TPTE2: variants seen among roughly 807,000 people sequenced by gnomAD.
The protein encoded by TPTE2 is transmembrane phosphoinositide 3-phosphatase and tensin homolog 2, also known as phosphatidylinositol 3,4,5-trisphosphate 3-phosphatase TPTE2.
In TPTE2, 53 loss-of-function variants were observed where a neutral mutation model predicts 78.6. That is an observed-to-expected ratio of 0.67 (90% CI 0.54 to 0.85). The LOEUF is 0.85. Among genes scored for constraint, TPTE2 ranks in the 40% least tolerant of loss-of-function variants. TPTE2 has a pLI of 0.00. For synonymous variants in TPTE2, 175 were observed against 206.2 expected, an observed-to-expected ratio of 0.85 and a Z score of 1.30; for missense variants, 461 against 623.0, an observed-to-expected ratio of 0.74 and a Z score of 2.77.
At chr13:19,523,094 G>T (rs115321793) in intron 1 of TPTE2, among the ~76,000 whole-genome samples, 1 of 152,086 alleles carries the variant, frequency 6.6e-6, no homozygotes, top group Non-Finnish European at 1.5e-5. Flanking sequence ...GTCTTCCTTG[G>T]ACCTCCTAGT....
At chr13:19,428,278 G>A (rs61956964) in intron 17 of TPTE2, among the ~76,000 whole-genome samples, 6 of 151,966 alleles carry the variant, frequency 3.9e-5, no homozygotes, top group South Asian at 2.1e-4. Context: ...GAGAAACCCC[G>A]TCTCTACTAA....
At position 19,438,071 on chromosome 13, in the gene TPTE2, T is replaced by TGTATCTCAGA. The variant is rs765542296; in HGVS notation, c.1035+20_1035+21insTCTGAGATAC. On this transcript the variant is annotated intron_variant, in intron 14 of 19. Transcript: ENST00000400230. ...CAAACTCAATCATCATAAGAGAAAG[T>TGTATCTCAGA]TTGTAGAACATCTTTCATACCTCGG... 1.1e-3 allele frequency: 1,784 copies of TGTATCTCAGA among 1,602,028 alleles called. 28 individuals carry two copies. In the South Asian group the frequency reaches 0.019, roughly 17 times the overall value.
chr13:19,434,080 C>A (rs1876882708), intron 15 of TPTE2, among the ~76,000 whole-genome samples: 1 of 152,288 alleles, frequency 6.6e-6, no homozygotes, highest in East Asian at 1.9e-4. Flanking sequence ...ATTAATACAA[C>A]CAACACATAG....
intron 3 of TPTE2, among the ~76,000 whole-genome samples, chr13:19,483,668 A>C (rs1880488855): frequency 6.6e-6 from 1 of 151,788 alleles, no homozygotes; most frequent in Non-Finnish European, 1.5e-5. Flanking sequence ...TCCTTTTAAC[A>C]ATTTGGGGTT....
At chr13:19,533,717 G>T (rs1484854032) in intron 1 of TPTE2, among the ~76,000 whole-genome samples, 1 of 152,218 alleles carries the variant, frequency 6.6e-6, no homozygotes, top group Non-Finnish European at 1.5e-5. Flanking sequence ...CTGATAGATT[G>T]TTATGTTGTC....
At chr13:19,484,891 CT>C (rs949790956) in intron 3 of TPTE2, among the ~76,000 whole-genome samples, 1 of 152,036 alleles carries the variant, frequency 6.6e-6, no homozygotes, top group African/African-American at 2.4e-5. Context: ...AGATGAGTTT[CT>C]TTTAGATAAA....
chr13:19,456,470 TAAACA>T (rs1432323961), intron 10 of TPTE2, among the ~76,000 whole-genome samples: 1 of 152,056 alleles, frequency 6.6e-6, no homozygotes, highest in Non-Finnish European at 1.5e-5. Context: ...GACAAACAAA[TAAACA>T]AAAGTCAATA....
At chr13:19,512,003 T>C (rs1220607695) in intron 1 of TPTE2, among the ~76,000 whole-genome samples, 3 of 152,072 alleles carry the variant, frequency 2.0e-5, no homozygotes, top group Non-Finnish European at 4.4e-5. Flanking sequence ...TGAAAGTATC[T>C]CCCCCCAAAG....
intron 3 of TPTE2, among the ~76,000 whole-genome samples, chr13:19,484,693 A>G (rs896946044): frequency 6.6e-6 from 1 of 152,130 alleles, no homozygotes; most frequent in African/African-American, 2.4e-5. Context: ...TATTACAATT[A>G]TATTTCTTGC....
chr13:19,520,560 TTTTG>T (rs1435867601), intron 1 of TPTE2, among the ~76,000 whole-genome samples: 1 of 151,898 alleles, frequency 6.6e-6, no homozygotes, highest in African/African-American at 2.4e-5. Flanking sequence ...TAACTTTTGG[TTTTG>T]TTTATTTTCT....
chr13:19,510,794 G>A (rs954549965), intron 1 of TPTE2, among the ~76,000 whole-genome samples: 1 of 152,124 alleles, frequency 6.6e-6, no homozygotes, highest in Non-Finnish European at 1.5e-5. Context: ...AGGAACACTA[G>A]TGGAAAAATG....
intron 12 of TPTE2, 36 bp downstream of exon 15, chr13:19,450,227 G>T: frequency 1.2e-6 from 2 of 1,610,474 alleles, no homozygotes; most frequent in Non-Finnish European, 8.5e-7. Context: ...AATATATTTA[G>T]CCCTCTTCTG....
intron 10 of TPTE2, among the ~76,000 whole-genome samples, chr13:19,454,603 A>T (rs1243071776): frequency 1.3e-5 from 2 of 152,170 alleles, no homozygotes; most frequent in Non-Finnish European, 2.9e-5. Flanking sequence ...AAAACACATG[A>T]TTACCTCCTT....
intron 7 of TPTE2, among the ~76,000 whole-genome samples, chr13:19,466,532 GAA>G (rs1454536635): frequency 6.6e-6 from 1 of 152,130 alleles, no homozygotes; most frequent in African/African-American, 2.4e-5. Context: ...AGTAAAAAAA[GAA>G]AAAGAGTCAC....
the TPTE2 span, among the ~76,000 whole-genome samples, chr13:19,549,119 CAA>C: frequency 1.5e-5 from 2 of 133,284 alleles, no homozygotes; most frequent in Non-Finnish European, 3.1e-5. Flanking sequence ...AACTCTGTCT[CAA>C]AAAAAAAAAA....
chr13:19,427,649 C>A (rs1876236678), intron 17 of TPTE2, among the ~76,000 whole-genome samples: 1 of 152,080 alleles, frequency 6.6e-6, no homozygotes, highest in Non-Finnish European at 1.5e-5. Flanking sequence ...CATGCTCCTC[C>A]CAAGGGAGGG....
At chr13:19,435,941 T>A (rs1333022928) in intron 15 of TPTE2, among the ~76,000 whole-genome samples, 1 of 152,190 alleles carries the variant, frequency 6.6e-6, no homozygotes, top group Non-Finnish European at 1.5e-5. Context: ...CCTTGGGTAC[T>A]GGACCTTCCT....
intron 9 of TPTE2, among the ~76,000 whole-genome samples, chr13:19,464,881 AG>A (rs1241528741): frequency 1.3e-5 from 2 of 151,968 alleles, no homozygotes; most frequent in Non-Finnish European, 2.9e-5. Flanking sequence ...GGTGCTTTGC[AG>A]CCCTCTGACT....
At chr13:19,533,003 G>C (rs1196978704) in intron 1 of TPTE2, among the ~76,000 whole-genome samples, 1 of 152,202 alleles carries the variant, frequency 6.6e-6, no homozygotes, top group Admixed American at 6.5e-5. Flanking sequence ...CTGATGTCTA[G>C]TAGAGGCATA....
Sources: gnomAD v4.1 joint callset for allele counts (sites outside exome capture counted in the v4.1 genomes callset) on GRCh38, gnomAD v4.1.1 for gene constraint, MANE v1.5 for transcripts, NCBI Gene and HGNC (gene_info 2026-07-23, HGNC 2026-07-21) for gene names.